HLF: variants seen among roughly 807,000 people sequenced by gnomAD.
HLF encodes the protein hepatic leukemia factor.
HLF carries 3 observed loss-of-function variants against 22.6 expected under a neutral mutation model. That is an observed-to-expected ratio of 0.13 (90% CI 0.06 to 0.34). The LOEUF is 0.34. Ranked by LOEUF, HLF falls within the 10% of genes least tolerant of loss-of-function variation. HLF has a pLI of 1.00. For missense variants in HLF, 299 were observed against 389.2 expected (o/e 0.77, Z 1.95); for synonymous variants, 151 against 151.8 (o/e 0.99, Z 0.04).
intron 2 of HLF, among the ~76,000 whole-genome samples, chr17:55,281,695 A>G (rs2080957618): frequency 6.6e-6 from 1 of 152,250 alleles, no homozygotes; most frequent in South Asian, 2.1e-4. Context: ...AAATCAACTC[A>G]TATTAGAAAT....
intron 2 of HLF, among the ~76,000 whole-genome samples, chr17:55,306,219 A>T (rs775736301): frequency 1.2e-4 from 18 of 150,564 alleles, no homozygotes; most frequent in Non-Finnish European, 2.5e-4. Flanking sequence ...GATCCTGTTT[A>T]AAAAAAAAAT....
intron 2 of HLF, among the ~76,000 whole-genome samples, chr17:55,305,793 C>T (rs954311592): frequency 6.6e-6 from 1 of 152,194 alleles, no homozygotes; most frequent in Non-Finnish European, 1.5e-5. Flanking sequence ...GTGCCTGGCT[C>T]TCCTTGGGGC....
rs1905350094 is a variant in HLF, at chr17:55,323,747, G to C, written c.*2868G>C. ...GAGCGGGAGGCCATGGCTTGACTCTGAGTGATTTGGGTCAACCGGAGTCAG... is the reference window on the plus strand; with the variant it reads ...GAGCGGGAGGCCATGGCTTGACTCTCAGTGATTTGGGTCAACCGGAGTCAG... On this transcript the variant is annotated 3_prime_UTR_variant, in exon 4 of 4. Coordinates refer to ENST00000226067, the MANE Select transcript of HLF (RefSeq NM_002126.5). 1 of 230,982 alleles carries C rather than the reference G, an allele frequency of 4.3e-6. No homozygotes were observed. Among genetic ancestry groups the C allele is most frequent in the Admixed American group, 5.7e-5 (1 of 17,688 alleles). The allele number at this position is 230,982 out of a possible 1,614,324, so 14.3% of individuals were successfully genotyped here. A position where few individuals can be genotyped will look rare whatever the true frequency, so the allele number is the denominator to read the frequency against.
chr17:55,324,790 A>C lies in HLF; in HGVS notation c.*3911A>C, dbSNP rs1480808684. 1.6e-5 allele frequency: 3 copies of C among 185,508 alleles called. No homozygotes were observed. Among genetic ancestry groups the C allele is most frequent in the African/African-American group, 2.3e-5 (1 of 43,084 alleles). 11.5% of individuals were successfully genotyped at this position (185,508 alleles called of 1,614,324 possible). ...CATTTTGCAGGAGGCTAAGTGTAAGAGTGTGTGTGTGTGTGTGTGCGTGCA... is the reference window on the plus strand; with the variant it reads ...CATTTTGCAGGAGGCTAAGTGTAAGCGTGTGTGTGTGTGTGTGTGCGTGCA... On this transcript the variant is annotated 3_prime_UTR_variant, in exon 4 of 4. Transcript: ENST00000226067.
intron 2 of HLF, among the ~76,000 whole-genome samples, chr17:55,297,693 A>T (rs1327117872): frequency 2.2e-5 from 3 of 137,620 alleles, no homozygotes; most frequent in Non-Finnish European, 4.6e-5. Context: ...CACCCCTTAC[A>T]CTCCCACCAA....
At chr17:55,317,109 A>G (rs1376037866) in intron 3 of HLF, among the ~76,000 whole-genome samples, 5 of 151,934 alleles carry the variant, frequency 3.3e-5, no homozygotes, top group Non-Finnish European at 1.5e-5. Context: ...CTGAGACTAC[A>G]GGCGCACGCC....
intron 2 of HLF, among the ~76,000 whole-genome samples, chr17:55,291,299 C>A (rs1020975972): frequency 6.6e-6 from 1 of 152,188 alleles, no homozygotes; most frequent in Admixed American, 6.5e-5. Flanking sequence ...CCATGCCTGG[C>A]ATCGAAGGAC....
intron 2 of HLF, among the ~76,000 whole-genome samples, chr17:55,301,624 G>A (rs1030671820): frequency 6.6e-6 from 1 of 152,356 alleles, no homozygotes; most frequent in South Asian, 2.1e-4. Flanking sequence ...TAGAAACAAA[G>A]CAGACCATTG....
At chr17:55,299,109 C>G (rs1028672827) in intron 2 of HLF, among the ~76,000 whole-genome samples, 1 of 152,226 alleles carries the variant, frequency 6.6e-6, no homozygotes, top group African/African-American at 2.4e-5. Context: ...CCAGCAAGAA[C>G]TGCAAAGGCT....
At chr17:55,315,966 G>A (rs1424642906) in intron 3 of HLF, among the ~76,000 whole-genome samples, 1 of 152,200 alleles carries the variant, frequency 6.6e-6, no homozygotes, top group Non-Finnish European at 1.5e-5. Context: ...TTTTGTGAAG[G>A]AAACTGGTAG....
At chr17:55,313,020 A>G (rs1336802260) in intron 2 of HLF, among the ~76,000 whole-genome samples, 2 of 152,196 alleles carry the variant, frequency 1.3e-5, no homozygotes, top group Admixed American at 6.5e-5. Flanking sequence ...TTTGTTTCGC[A>G]GGTCCTTTGC....
intron 3 of HLF, among the ~76,000 whole-genome samples, chr17:55,318,099 G>A (rs564468409): frequency 6.6e-6 from 1 of 151,370 alleles, no homozygotes; most frequent in Admixed American, 6.6e-5. Context: ...TGGGTGGGGC[G>A]GGGCTAAGTG....
In HLF at chr17:55,322,252, A is replaced by G; in HGVS notation, c.*1373A>G. 1 of 198,012 alleles carries G rather than the reference A, an allele frequency of 5.1e-6. No individual in the cohort carries two copies. The highest frequency in any genetic ancestry group is 1.0e-5 in the Non-Finnish European group (1 of 95,332). 12.3% of individuals were successfully genotyped at this position (198,012 alleles called of 1,614,324 possible). A position where few individuals can be genotyped will look rare whatever the true frequency, so the allele number is the denominator to read the frequency against. ...ACTGTGGTTAATCCAATCAATTTAA[A>G]TGTTTACTATAGACCAAAAGGAGAG... On this transcript the variant is annotated 3_prime_UTR_variant, in exon 4 of 4. Coordinates refer to ENST00000226067, the MANE Select transcript of HLF (RefSeq NM_002126.5).
chr17:55,313,880 A>G (rs1904952270), intron 2 of HLF, among the ~76,000 whole-genome samples: 1 of 152,108 alleles, frequency 6.6e-6, no homozygotes, highest in African/African-American at 2.4e-5. Flanking sequence ...CAGAGCATTC[A>G]TTTTGCAAAC....
intron 2 of HLF, among the ~76,000 whole-genome samples, chr17:55,303,014 T>C (rs747860751): frequency 3.3e-5 from 5 of 152,194 alleles, no homozygotes; most frequent in Admixed American, 2.6e-4. Context: ...ATAGGCAGCA[T>C]GTCATTGGAC....
intron 2 of HLF, among the ~76,000 whole-genome samples, chr17:55,303,259 A>G (rs1020727389): frequency 1.3e-4 from 20 of 152,268 alleles, no homozygotes; most frequent in East Asian, 7.7e-4. Flanking sequence ...CACCATCACC[A>G]TGGCAGCCCT....
chr17:55,296,347 G>A (rs1729615407), intron 2 of HLF, among the ~76,000 whole-genome samples: 1 of 152,190 alleles, frequency 6.6e-6, no homozygotes, highest in Admixed American at 6.5e-5. Flanking sequence ...AAATAGGACT[G>A]TATAAAGAGT....
At chr17:55,289,609 G>A (rs1160064911) in intron 2 of HLF, among the ~76,000 whole-genome samples, 3 of 152,136 alleles carry the variant, frequency 2.0e-5, no homozygotes, top group African/African-American at 7.2e-5. Context: ...AAATTACTTT[G>A]AGAATGACTT....
At position 55,322,473 on chromosome 17, in the gene HLF, T is replaced by A. The variant is rs1905295239; in HGVS notation, c.*1594T>A. 4.8e-6 allele frequency: 1 copy of A among 208,196 alleles called. No individual in the cohort carries two copies. The highest frequency in any genetic ancestry group is 7.3e-5 in the East Asian group (1 of 13,632). 12.9% of individuals were successfully genotyped at this position (208,196 alleles called of 1,614,324 possible). A position where few individuals can be genotyped will look rare whatever the true frequency, so the allele number is the denominator to read the frequency against. On this transcript the variant is annotated 3_prime_UTR_variant, in exon 4 of 4. Coordinates refer to ENST00000226067, the MANE Select transcript of HLF (RefSeq NM_002126.5). ...TCACCAATGTTGTACAGAGAAGAAG[T>A]GCTTGGGGGTTTTTGAAGTCTTTAA...
Sources: gnomAD v4.1 joint callset for allele counts (sites outside exome capture counted in the v4.1 genomes callset) on GRCh38, gnomAD v4.1.1 for gene constraint, MANE v1.5 for transcripts, NCBI Gene and HGNC (gene_info 2026-07-23, HGNC 2026-07-21) for gene names.